Variants in SLC30A8 observed in about 807,000 individuals in gnomAD.
SLC30A8 encodes the protein solute carrier family 30 member 8.
In SLC30A8, 27 loss-of-function variants were observed where a neutral mutation model predicts 36.9. The ratio of observed to expected loss-of-function variants is 0.73; its 90% confidence interval spans 0.54 to 1.01. The LOEUF is 1.01. Among genes scored for constraint, SLC30A8 ranks in the 50% least tolerant of loss-of-function variants. SLC30A8 has a pLI of 0.00. For missense variants in SLC30A8, 439 were observed against 452.0 expected, an observed-to-expected ratio of 0.97 and a Z score of 0.26; for synonymous variants, 164 against 172.4, an observed-to-expected ratio of 0.95 and a Z score of 0.38.
At chr8:117,018,670 C>CG (rs1433176604) in intron 1 of SLC30A8, among the ~76,000 whole-genome samples, 4 of 123,256 alleles carry the variant, frequency 3.2e-5, no homozygotes, top group East Asian at 3.1e-4. Context: ...CTAGCCCCCC[C>CG]CCCCCTTTTT....
rs1309112255 is a variant in SLC30A8 at position 117,153,026 on chromosome 8, C to T, written c.354C>T (p.Leu118=). Reference sequence around the variant, plus strand: ...ACCTGACCAGTTTCCTGCTCAGTCTCTTCTCCCTGTGGTTGTCATCGAAGC... The same window carrying T: ...ACCTGACCAGTTTCCTGCTCAGTCTTTTCTCCCTGTGGTTGTCATCGAAGC... ...LIDLTSFLLS[L]FSLWLSSKPP... The change falls in exon 3 of 8, where the codon CTC becomes CTT. Residue 118 remains leucine (L), a synonymous_variant. Coordinates refer to ENST00000456015, the MANE Select transcript of SLC30A8 (RefSeq NM_173851.3). 1.9e-6 allele frequency: 3 copies of T among 1,613,554 alleles called. No individual in the cohort carries two copies. Among genetic ancestry groups the T allele is most frequent in the African/African-American group, 1.3e-5 (1 of 74,924 alleles).
chr8:116,973,354 C>T (rs937437043), intron 1 of SLC30A8, among the ~76,000 whole-genome samples: 1 of 152,160 alleles, frequency 6.6e-6, no homozygotes, highest in African/African-American at 2.4e-5. Context: ...TATGCAACTT[C>T]TAGGTCACTT....
intron 2 of SLC30A8, among the ~76,000 whole-genome samples, chr8:117,048,278 T>C (rs1817613353): frequency 3.9e-5 from 6 of 152,194 alleles, no homozygotes; most frequent in Admixed American, 2.0e-4. Context: ...CTGATCAGGC[T>C]GGAAAGAATT....
intron 2 of SLC30A8, among the ~76,000 whole-genome samples, chr8:117,118,107 G>A (rs1276811933): frequency 6.8e-6 from 1 of 147,506 alleles, no homozygotes; most frequent in Non-Finnish European, 1.5e-5. Context: ...AGACTTAGCT[G>A]TTGCAAATTT....
intron 2 of SLC30A8, among the ~76,000 whole-genome samples, chr8:117,054,096 A>G (rs1817791831): frequency 8.4e-6 from 1 of 119,200 alleles, no homozygotes. Flanking sequence ...TACTGCAAAA[A>G]TCTTTTTTTT....
chr8:117,009,859 T>A (rs1296530446), intron 1 of SLC30A8, among the ~76,000 whole-genome samples: 3 of 152,214 alleles, frequency 2.0e-5, no homozygotes, highest in Non-Finnish European at 2.9e-5. Context: ...CATGGGAACA[T>A]TTTTTGTCCT....
chr8:117,036,515 G>A (rs1255041512), intron 1 of SLC30A8, among the ~76,000 whole-genome samples: 1 of 152,140 alleles, frequency 6.6e-6, no homozygotes, highest in Non-Finnish European at 1.5e-5. Flanking sequence ...AGGTTTCATT[G>A]ACTCACGGTT....
intron 2 of SLC30A8, among the ~76,000 whole-genome samples, chr8:117,151,305 ATTTG>A (rs547491625): frequency 8.9e-4 from 135 of 152,236 alleles, no homozygotes; most frequent in Non-Finnish European, 1.8e-3. Flanking sequence ...AGAGGCTGTT[ATTTG>A]TTTATCTTTG....
intron 2 of SLC30A8, among the ~76,000 whole-genome samples, chr8:117,128,079 C>T (rs1014207883): frequency 4.6e-5 from 7 of 152,002 alleles, no homozygotes; most frequent in African/African-American, 1.4e-4. Flanking sequence ...TAGAAGAGAA[C>T]GTGGCGATTG....
At chr8:117,046,862 C>T (rs1021215986) in intron 2 of SLC30A8, among the ~76,000 whole-genome samples, 1 of 152,204 alleles carries the variant, frequency 6.6e-6, no homozygotes, top group African/African-American at 2.4e-5. Flanking sequence ...CAGCCATTAG[C>T]TTCCTTTTAC....
chr8:117,018,685 T>TG (rs1209022753), intron 1 of SLC30A8, among the ~76,000 whole-genome samples: 2 of 139,880 alleles, frequency 1.4e-5, no homozygotes, highest in Non-Finnish European at 3.1e-5. Flanking sequence ...CTTTTTTTTT[T>TG]TGATGGAGTC....
intron 1 of SLC30A8, among the ~76,000 whole-genome samples, chr8:116,978,191 A>G (rs1815119485): frequency 6.6e-6 from 1 of 152,164 alleles, no homozygotes; most frequent in African/African-American, 2.4e-5. Context: ...CATACTGGTT[A>G]CATACATAAA....
intron 2 of SLC30A8, among the ~76,000 whole-genome samples, chr8:117,093,036 C>T (rs898798956): frequency 1.5e-4 from 23 of 152,112 alleles, no homozygotes; most frequent in Non-Finnish European, 3.2e-4. Flanking sequence ...CTAGTCTATC[C>T]TTACCAGGGG....
At chr8:117,155,749 C>T (rs1414287815) in intron 3 of SLC30A8, among the ~76,000 whole-genome samples, 3 of 152,154 alleles carry the variant, frequency 2.0e-5, no homozygotes, top group Non-Finnish European at 4.4e-5. Flanking sequence ...TGCAATCGGG[C>T]GTCAGTGGGG....
At chr8:116,976,567 G>A (rs919617170) in intron 1 of SLC30A8, among the ~76,000 whole-genome samples, 1 of 152,146 alleles carries the variant, frequency 6.6e-6, no homozygotes, top group Admixed American at 6.5e-5. Context: ...CTGTTGCCTA[G>A]AAGGGCATAC....
At chr8:116,969,394 C>T (rs552362070) in intron 1 of SLC30A8, among the ~76,000 whole-genome samples, 15 of 152,230 alleles carry the variant, frequency 9.9e-5, no homozygotes, top group Admixed American at 3.3e-4. Flanking sequence ...CAAACTTGGG[C>T]AAGTTACCTG....
At chr8:117,167,726 A>C (rs1346889029) in intron 6 of SLC30A8, among the ~76,000 whole-genome samples, 4 of 152,146 alleles carry the variant, frequency 2.6e-5, no homozygotes, top group Non-Finnish European at 5.9e-5. Flanking sequence ...TGTAATTACT[A>C]TAAACAATGA....
At chr8:117,149,576 G>T (rs900879702) in intron 2 of SLC30A8, among the ~76,000 whole-genome samples, 1 of 152,112 alleles carries the variant, frequency 6.6e-6, no homozygotes, top group Non-Finnish European at 1.5e-5. Context: ...AGATAATTAC[G>T]CAATTTTGGG....
At position 117,167,504 on chromosome 8, in the gene SLC30A8, T is replaced by TATATATATATATATATATATATAC. The variant is rs1491223080; in HGVS notation, c.830-3530_830-3529insATATATATATATATATATATATAC. On this transcript the variant is annotated intron_variant, in intron 6 of 7. Transcript: ENST00000456015. ...GCATATATATATATACATACATACA[T>TATATATATATATATATATATATAC]GTATATGTATATGTGTATGTGATGT... Among the ~76,000 whole-genome samples the TATATATATATATATATATATATAC allele has an allele frequency of 5.7e-4, 81 of 142,196 alleles. 4 individuals are homozygous for TATATATATATATATATATATATAC. The highest frequency in any genetic ancestry group is 8.8e-4 in the Non-Finnish European group (55 of 62,850). 93.3% of individuals were successfully genotyped at this position (142,196 alleles called of 152,430 possible).
Sources: gnomAD v4.1 joint callset for allele counts (sites outside exome capture counted in the v4.1 genomes callset) on GRCh38, gnomAD v4.1.1 for gene constraint, MANE v1.5 for transcripts, NCBI Gene and HGNC (gene_info 2026-07-23, HGNC 2026-07-21) for gene names.